RUNX2: variants seen among roughly 807,000 people sequenced by gnomAD.
RUNX2 encodes the protein runt-related transcription factor 2.
Under a neutral mutation model 51.7 loss-of-function variants are expected in RUNX2, and 10 were observed. The ratio of observed to expected loss-of-function variants is 0.19; its 90% CI spans 0.12 to 0.33. The LOEUF (loss-of-function observed/expected upper bound fraction) is 0.33. RUNX2 is among the 10% of genes least tolerant of loss of function. The pLI, the probability that RUNX2 is intolerant of heterozygous loss-of-function variation, is 1.00. For synonymous variants in RUNX2, 276 were observed against 273.6 expected (o/e 1.01, Z -0.09); for missense variants, 562 against 691.3 (o/e 0.81, Z 2.10).
chr6:45,459,802 T>G (rs1207058380), intron 5 of RUNX2, among the ~76,000 whole-genome samples: 1 of 150,568 alleles, frequency 6.6e-6, no homozygotes, highest in African/African-American at 2.4e-5. Context: ...GGGAGGGAGG[T>G]GGATGATTTT....
chr6:45,464,750 C>G (rs534571861), intron 5 of RUNX2, among the ~76,000 whole-genome samples: 1 of 152,320 alleles, frequency 6.6e-6, no homozygotes, highest in East Asian at 1.9e-4. Context: ...GAATATTTTC[C>G]TATCAGTCAC....
intron 5 of RUNX2, among the ~76,000 whole-genome samples, chr6:45,472,341 A>T (rs1799827773): frequency 1.3e-5 from 2 of 152,226 alleles, no homozygotes; most frequent in African/African-American, 4.8e-5. Flanking sequence ...GGGTGTCAGG[A>T]ACAAAGGCAA....
intron 2 of RUNX2, among the ~76,000 whole-genome samples, chr6:45,387,555 C>T (rs1393568692): frequency 6.6e-6 from 1 of 152,174 alleles, no homozygotes; most frequent in East Asian, 1.9e-4. Flanking sequence ...AACATCAAAT[C>T]CTAAATATCC....
intron 6 of RUNX2, among the ~76,000 whole-genome samples, chr6:45,502,225 C>T (rs1800817934): frequency 6.6e-6 from 1 of 152,166 alleles, no homozygotes; most frequent in Admixed American, 6.5e-5. Context: ...CAGCACACTG[C>T]TCTCCCTTAT....
intron 2 of RUNX2, among the ~76,000 whole-genome samples, chr6:45,383,520 G>T (rs1797285685): frequency 6.6e-6 from 1 of 151,914 alleles, no homozygotes; most frequent in African/African-American, 2.4e-5. Flanking sequence ...TTCTAATCTT[G>T]CTCATGTAAT....
intron 2 of RUNX2, among the ~76,000 whole-genome samples, chr6:45,343,704 A>T (rs1440750637): frequency 1.3e-5 from 2 of 152,152 alleles, no homozygotes; most frequent in Non-Finnish European, 2.9e-5. Context: ...AGCTTGTGAA[A>T]AGCCTTGATG....
chr6:45,462,100 A>G (rs540953738), intron 5 of RUNX2, among the ~76,000 whole-genome samples: 4 of 152,324 alleles, frequency 2.6e-5, no homozygotes, highest in African/African-American at 9.6e-5. Flanking sequence ...ACCCTGATTA[A>G]AAATAAAGAG....
intron 5 of RUNX2, among the ~76,000 whole-genome samples, chr6:45,444,418 G>A (rs1203831801): frequency 6.6e-6 from 1 of 152,162 alleles, no homozygotes; most frequent in African/African-American, 2.4e-5. Context: ...TTTTCCCTCC[G>A]GTGATCTAGC....
intron 2 of RUNX2, among the ~76,000 whole-genome samples, chr6:45,380,870 C>T (rs1164902674): frequency 6.6e-6 from 1 of 152,146 alleles, no homozygotes; most frequent in Non-Finnish European, 1.5e-5. Flanking sequence ...CCACCGCACC[C>T]GGCCAGAAGT....
At chr6:45,464,362 T>C (rs1462565402) in intron 5 of RUNX2, among the ~76,000 whole-genome samples, 1 of 152,214 alleles carries the variant, frequency 6.6e-6, no homozygotes, top group Non-Finnish European at 1.5e-5. Flanking sequence ...ATAAGTGAAC[T>C]GTTAATTGAT....
intron 5 of RUNX2, among the ~76,000 whole-genome samples, chr6:45,481,472 A>G (rs544167046): frequency 6.6e-5 from 10 of 152,330 alleles, no homozygotes; most frequent in Admixed American, 5.2e-4. Context: ...ATGTTTTTGG[A>G]ACTAAAACAC....
chr6:45,482,098 C>T lies in RUNX2; in HGVS notation c.686-9843C>T, dbSNP rs944770259. ...TTAGGACATGGGAGAGGAGCTACGG[C>T]GAAGTTAGCCGGATTCCCGGTTAGC... On this transcript the variant is annotated intron_variant, in intron 5 of 8. Transcript: ENST00000647337. Among the ~76,000 whole-genome samples, 7 of 152,296 alleles carry T rather than the reference C, an allele frequency of 4.6e-5. No individual in the cohort carries two copies. The East Asian group carries it at 5.8e-4, about 13-fold the overall frequency.
At chr6:45,542,835 A>G (rs1007166523) in intron 7 of RUNX2, among the ~76,000 whole-genome samples, 1 of 152,224 alleles carries the variant, frequency 6.6e-6, no homozygotes, top group Non-Finnish European at 1.5e-5. Flanking sequence ...GAAGTCAAAG[A>G]GGTCTGTCTA....
intron 6 of RUNX2, among the ~76,000 whole-genome samples, chr6:45,500,660 T>C (rs913780270): frequency 2.0e-5 from 3 of 151,856 alleles, no homozygotes; most frequent in African/African-American, 7.3e-5. Context: ...GTTGCCAGGG[T>C]GAATGGTGGG....
chr6:45,361,402 ACT>A (rs1175454090), intron 2 of RUNX2, among the ~76,000 whole-genome samples: 1 of 152,202 alleles, frequency 6.6e-6, no homozygotes, highest in Non-Finnish European at 1.5e-5. Context: ...CAGGCCTGTA[ACT>A]CTGAAAAAGT....
intron 3 of RUNX2, among the ~76,000 whole-genome samples, chr6:45,423,655 G>A (rs1379409146): frequency 6.6e-6 from 1 of 152,110 alleles, no homozygotes; most frequent in African/African-American, 2.4e-5. Context: ...CAGTGCCCGG[G>A]AGGGTCCTGG....
chr6:45,356,398 CT>C (rs987451278), intron 2 of RUNX2, among the ~76,000 whole-genome samples: 2 of 150,720 alleles, frequency 1.3e-5, no homozygotes, highest in Admixed American at 6.6e-5. Context: ...ATTCTCATTT[CT>C]TTTTTTTTCT....
chr6:45,432,484 T>C (rs988380704), intron 4 of RUNX2, among the ~76,000 whole-genome samples: 2 of 152,184 alleles, frequency 1.3e-5, no homozygotes, highest in African/African-American at 4.8e-5. Context: ...TTTACTCTCA[T>C]AGTAAGAATT....
At chr6:45,453,744 G>A (rs1225816609) in intron 5 of RUNX2, among the ~76,000 whole-genome samples, 1 of 152,138 alleles carries the variant, frequency 6.6e-6, no homozygotes, top group Non-Finnish European at 1.5e-5. Flanking sequence ...TGAAGGTCCT[G>A]TGCTTTGATC....
Sources: allele counts gnomAD v4.1 joint callset (sites outside exome capture counted in the v4.1 genomes callset), GRCh38; gene constraint gnomAD v4.1.1; transcripts MANE v1.5; gene names NCBI Gene and HGNC (gene_info 2026-07-23, HGNC 2026-07-21).